LUZP2: variants seen among roughly 807,000 people sequenced by gnomAD.
LUZP2 encodes leucine zipper protein 2.
Under a neutral mutation model 51.6 loss-of-function variants are expected in LUZP2, and 52 were observed. The observed-to-expected ratio is 1.01, with a 90% confidence interval of 0.81 to 1.27. LUZP2 has a LOEUF of 1.27. Ranked by LOEUF, LUZP2 falls within the 50% of genes most tolerant of loss-of-function variation. LUZP2 has a pLI of 0.00. For missense variants in LUZP2, 436 were observed against 395.4 expected (o/e 1.10, Z -0.87); for synonymous variants, 154 against 137.3 (o/e 1.12, Z -0.85).
At chr11:24,574,358 C>T (rs1333606542) in intron 1 of LUZP2, among the ~76,000 whole-genome samples, 1 of 137,780 alleles carries the variant, frequency 7.3e-6, no homozygotes, top group African/African-American at 2.7e-5. Flanking sequence ...TTCCTCCCTC[C>T]CTCCCTCCTT....
At chr11:25,000,177 CT>C (rs1345903203) in intron 9 of LUZP2, among the ~76,000 whole-genome samples, 1 of 152,032 alleles carries the variant, frequency 6.6e-6, no homozygotes, top group Admixed American at 6.6e-5. Flanking sequence ...GTTTACAAAC[CT>C]TTAGCTAGAC....
chr11:25,060,880 T>C (rs1858815945), intron 10 of LUZP2, among the ~76,000 whole-genome samples: 1 of 152,192 alleles, frequency 6.6e-6, no homozygotes, highest in Non-Finnish European at 1.5e-5. Context: ...GGATAATTTA[T>C]GTTGTCATTG....
At chr11:24,694,758 C>T (rs911921972) in intron 1 of LUZP2, among the ~76,000 whole-genome samples, 3 of 152,062 alleles carry the variant, frequency 2.0e-5, no homozygotes, top group African/African-American at 4.8e-5. Context: ...AGAAAGACTT[C>T]GTGTCCTTTT....
chr11:24,897,667 C>G (rs1853125149), intron 5 of LUZP2, among the ~76,000 whole-genome samples: 1 of 152,198 alleles, frequency 6.6e-6, no homozygotes, highest in African/African-American at 2.4e-5. Flanking sequence ...AGAATTGTAA[C>G]ACTCACTGTG....
intron 1 of LUZP2, among the ~76,000 whole-genome samples, chr11:24,701,745 A>G (rs1857427793): frequency 1.3e-5 from 2 of 152,090 alleles, no homozygotes; most frequent in Admixed American, 6.5e-5. Flanking sequence ...AGGTGACATT[A>G]TTTGTCAATT....
chr11:25,019,572 TAA>T (rs1425892806), intron 9 of LUZP2, among the ~76,000 whole-genome samples: 2 of 152,136 alleles, frequency 1.3e-5, no homozygotes, highest in African/African-American at 4.8e-5. Context: ...ACCAAAACAA[TAA>T]AGTCTGCAAA....
At chr11:24,598,373 AC>A (rs569124999) in intron 1 of LUZP2, among the ~76,000 whole-genome samples, 144 of 152,260 alleles carry the variant, frequency 9.5e-4, no homozygotes, top group African/African-American at 3.3e-3. Context: ...TTTGTCAGAA[AC>A]TTTTATCTGT....
Position 24,936,332 on chromosome 11 carries a change from C to A in LUZP2, c.522+21794C>A, listed in dbSNP as rs573526866. Among the ~76,000 whole-genome samples the A allele has an allele frequency of 2.8e-4, 42 of 152,226 alleles. No homozygotes were observed. In the South Asian group the frequency reaches 8.5e-3, roughly 31 times the overall value. ...AAGATTTATGGTACCTTAGCCCCTA[C>A]CGTTGTCATTTGGACATAACAAATC... On this transcript the variant is annotated intron_variant, in intron 7 of 11. Transcript: ENST00000336930.
At chr11:24,952,862 T>C (rs758543263) in intron 7 of LUZP2, among the ~76,000 whole-genome samples, 1 of 151,894 alleles carries the variant, frequency 6.6e-6, no homozygotes, top group Non-Finnish European at 1.5e-5. Context: ...TACAATTACA[T>C]GAGAGGTGAG....
At chr11:24,532,529 C>A (rs1396122999) in intron 1 of LUZP2, among the ~76,000 whole-genome samples, 1 of 150,958 alleles carries the variant, frequency 6.6e-6, no homozygotes, top group East Asian at 1.9e-4. Flanking sequence ...CTTTTTCTCT[C>A]CCACTTCCAT....
intron 10 of LUZP2, among the ~76,000 whole-genome samples, 161 bp downstream of exon 10, chr11:25,050,291 CTTTTTTT>C (rs71044331): frequency 2.7e-3 from 211 of 77,174 alleles, no homozygotes; most frequent in African/African-American, 0.011. Context: ...TCTTTATGTT[CTTTTTTT>C]TTTTTTTTTT....
intron 9 of LUZP2, among the ~76,000 whole-genome samples, chr11:25,026,737 TCTGACA>T (rs1294568141): frequency 2.6e-5 from 4 of 152,100 alleles, no homozygotes; most frequent in African/African-American, 9.7e-5. Context: ...CTTATATTTT[TCTGACA>T]CATGACAAGA....
At chr11:24,848,256 G>A (rs113483486) in intron 5 of LUZP2, among the ~76,000 whole-genome samples, 15 of 152,166 alleles carry the variant, frequency 9.9e-5, no homozygotes, top group African/African-American at 3.4e-4. Context: ...GAAACCTACA[G>A]ATCTAATCCA....
intron 9 of LUZP2, among the ~76,000 whole-genome samples, chr11:25,048,072 A>G (rs935044368): frequency 5.3e-5 from 8 of 152,252 alleles, no homozygotes; most frequent in Admixed American, 2.0e-4. Context: ...CTGTCTCCCA[A>G]TGTGCTGGAA....
At chr11:25,044,267 A>G (rs987364634) in intron 9 of LUZP2, among the ~76,000 whole-genome samples, 20 of 39,130 alleles carry the variant, frequency 5.1e-4, no homozygotes, top group African/African-American at 1.5e-3. Flanking sequence ...GTATATATAT[A>G]TATATATATA....
Position 24,640,957 on chromosome 11 carries a change from G to GTATAGATATAGA in LUZP2, c.63-88165_63-88154dup, listed in dbSNP as rs72192382. On this transcript the variant is annotated intron_variant, in intron 1 of 11. Transcript: ENST00000336930. Reference sequence around the variant, plus strand: ...TGTATGTATGTGTATATCTATATCTGTATAGATATAGATATAGATATAGAT... The same window carrying GTATAGATATAGA: ...TGTATGTATGTGTATATCTATATCTGTATAGATATAGATATAGATATAGATATAGATATAGAT... Among the ~76,000 whole-genome samples, 369 of 145,282 alleles carry GTATAGATATAGA rather than the reference G, an allele frequency of 2.5e-3. 1 individual carries two copies. Among genetic ancestry groups the GTATAGATATAGA allele is most frequent in the East Asian group, 5.1e-3 (25 of 4,924 alleles).
intron 9 of LUZP2, among the ~76,000 whole-genome samples, chr11:25,010,711 GT>G (rs1409842486): frequency 1.3e-5 from 2 of 151,960 alleles, no homozygotes; most frequent in Non-Finnish European, 2.9e-5. Context: ...GCCAGGCATG[GT>G]GGGGCACACA....
intron 7 of LUZP2, among the ~76,000 whole-genome samples, chr11:24,924,294 T>C (rs1335400267): frequency 2.0e-5 from 3 of 152,090 alleles, no homozygotes; most frequent in Admixed American, 1.3e-4. Flanking sequence ...GCAAGGATGG[T>C]CTCGGTCTCC....
chr11:24,629,543 C>G (rs985253394), intron 1 of LUZP2, among the ~76,000 whole-genome samples: 3 of 83,404 alleles, frequency 3.6e-5, no homozygotes, highest in African/African-American at 4.9e-5. Flanking sequence ...TATATATATT[C>G]CATTGCATAT....
Sources: gnomAD v4.1 joint callset for allele counts (sites outside exome capture counted in the v4.1 genomes callset) on GRCh38, gnomAD v4.1.1 for gene constraint, MANE v1.5 for transcripts, NCBI Gene and HGNC (gene_info 2026-07-23, HGNC 2026-07-21) for gene names.